The following ZNF33A variants were observed in gnomAD, a reference collection of about 807,000 sequenced individuals.
The protein encoded by ZNF33A is brain my041 protein.
In ZNF33A, 9 loss-of-function variants were observed where a neutral mutation model predicts 15.9. That is an observed-to-expected ratio of 0.57 (90% CI 0.34 to 0.99). The LOEUF (loss-of-function observed/expected upper bound fraction) is 0.99. Among genes scored for constraint, ZNF33A ranks in the 50% least tolerant of loss-of-function variants. The pLI is 0.02. For missense variants in ZNF33A, 843 were observed against 941.6 expected (o/e 0.90, Z 1.37); for synonymous variants, 294 against 324.2 (o/e 0.91, Z 1.00).
At chr10:38,015,065 C>T (rs762665098) in intron 2 of ZNF33A, among the ~76,000 whole-genome samples, 6 of 151,810 alleles carry the variant, frequency 4.0e-5, no homozygotes, top group South Asian at 2.1e-4. Flanking sequence ...AGTAGAGACA[C>T]GGTTTTGCCA....
intron 4 of ZNF33A, chr10:38,039,408 T>G (rs745717406): frequency 6.7e-6 from 3 of 448,752 alleles, no homozygotes; most frequent in South Asian, 4.7e-5. Flanking sequence ...GTTTTTTTTT[T>G]GTAGAGATGG....
chr10:38,062,383 C>T (rs1308443986), downstream of ZNF33A, among the ~76,000 whole-genome samples: 1 of 152,176 alleles, frequency 6.6e-6, no homozygotes, highest in Non-Finnish European at 1.5e-5. Context: ...TGGCATTTGG[C>T]CATGCTACAC....
chr10:38,040,888 G>A (rs2135691621), intron 4 of ZNF33A, among the ~76,000 whole-genome samples: 1 of 152,204 alleles, frequency 6.6e-6, no homozygotes, highest in South Asian at 2.1e-4. Flanking sequence ...GTATGTTTAG[G>A]ATTTACAGAG....
In ZNF33A at chr10:38,055,002, C is replaced by T; in HGVS notation, c.878C>T (p.Pro293Leu). 1 of 1,614,040 alleles carries T rather than the reference C, an allele frequency of 6.2e-7. No homozygotes were observed. Among genetic ancestry groups the T allele is most frequent in the Admixed American group, 1.7e-5 (1 of 60,014 alleles). ...TGTGTGAAGTCCACCCTTTCTAAAC[C>T]TCATGGGGTATCTATGAAACACTAT... Reference protein sequence around the residue: ...FLCVKSTLSKPHGVSMKHYDC... With the variant: ...FLCVKSTLSKLHGVSMKHYDC... Residue 293 changes from proline to leucine, a missense_variant, in exon 5 of 5, where the codon CCT becomes CTT. By Grantham distance (98) the Pro-to-Leu change is moderately conservative. Transcript: ENST00000432900.
At chr10:38,035,695 C>T (rs1001731688) in intron 4 of ZNF33A, among the ~76,000 whole-genome samples, 20 of 152,128 alleles carry the variant, frequency 1.3e-4, no homozygotes, top group Non-Finnish European at 2.5e-4. Context: ...CTGGCTCCTC[C>T]TGAACTCATG....
At chr10:38,028,584 C>T (rs1165104787) in intron 4 of ZNF33A, among the ~76,000 whole-genome samples, 1 of 151,964 alleles carries the variant, frequency 6.6e-6, no homozygotes, top group Non-Finnish European at 1.5e-5. Context: ...TCTCATGCCT[C>T]AGCCTCCCAA....
chr10:38,024,866 T>C (rs2064913250), intron 4 of ZNF33A, among the ~76,000 whole-genome samples: 1 of 152,244 alleles, frequency 6.6e-6, no homozygotes, highest in South Asian at 2.1e-4. Context: ...ACCCTATGTC[T>C]AGCATACCCA....
At chr10:38,064,053 C>T, downstream of ZNF33A, 1 of 1,592,008 alleles carries the variant, frequency 6.3e-7, no homozygotes, top group South Asian at 1.1e-5. Flanking sequence ...CAGACATTTT[C>T]AAATATTGTT....
chr10:38,062,786 G>A (rs1228258508), downstream of ZNF33A, among the ~76,000 whole-genome samples: 3 of 151,910 alleles, frequency 2.0e-5, no homozygotes, highest in East Asian at 1.9e-4. Flanking sequence ...GGCGGATCAC[G>A]AGGTCAGGAG....
At chr10:38,017,102 A>G in intron 3 of ZNF33A, 87 bp downstream of exon 3, 1 of 1,526,932 alleles carries the variant, frequency 6.5e-7, no homozygotes, top group Non-Finnish European at 8.8e-7. Context: ...TAGTTTAATG[A>G]TATTTAAGGT....
chr10:38,039,660 A>G (rs2065609042), intron 4 of ZNF33A: 1 of 440,932 alleles, frequency 2.3e-6, no homozygotes, highest in Non-Finnish European at 4.5e-6. Flanking sequence ...GAAGTTAAAT[A>G]ATTTGTTGGC....
At chr10:38,054,338 G>A (rs1350872660) in intron 4 of ZNF33A, 37 bp from the exon 5 acceptor site, 10 of 1,490,740 alleles carry the variant, frequency 6.7e-6, no homozygotes, top group South Asian at 1.5e-5. Context: ...AAATGTTTTG[G>A]TATTTATGTG....
rs768139739 is a variant in ZNF33A at position 38,055,009 on chromosome 10, G to A, written c.885G>A (p.Gly295=). 45 of 1,613,876 alleles carry A rather than the reference G, an allele frequency of 2.8e-5. No homozygotes were observed. Among genetic ancestry groups the A allele is most frequent in the Admixed American group, 5.0e-5 (3 of 59,998 alleles). ...CVKSTLSKPH[G]VSMKHYDCGE... ...AGTCCACCCTTTCTAAACCTCATGG[G>A]GTATCTATGAAACACTATGATTGTG... is the stretch of plus-strand genomic sequence containing the variant. Residue 295 remains glycine, a synonymous_variant, in exon 5 of 5, where the codon GGG becomes GGA. Transcript: ENST00000432900.
At chr10:38,049,242 A>G (rs1267446970) in intron 4 of ZNF33A, among the ~76,000 whole-genome samples, 1 of 152,166 alleles carries the variant, frequency 6.6e-6, no homozygotes, top group Non-Finnish European at 1.5e-5. Context: ...TAATGAAAAC[A>G]GAATTTATGG....
chr10:38,065,676 TG>T (rs1564893500), downstream of ZNF33A, among the ~76,000 whole-genome samples: 4 of 151,562 alleles, frequency 2.6e-5, no homozygotes, highest in African/African-American at 9.7e-5. Flanking sequence ...TGGTTGCCAG[TG>T]CACCAGCCAA....
At chr10:38,032,759 T>G (rs1297000748) in intron 4 of ZNF33A, among the ~76,000 whole-genome samples, 1 of 151,646 alleles carries the variant, frequency 6.6e-6, no homozygotes, top group Non-Finnish European at 1.5e-5. Flanking sequence ...CCGACAGTTG[T>G]TTTTTTGAGA....
intron 4 of ZNF33A, among the ~76,000 whole-genome samples, chr10:38,033,315 T>C (rs1031149678): frequency 2.6e-5 from 4 of 152,214 alleles, no homozygotes; most frequent in African/African-American, 9.6e-5. Flanking sequence ...CCATATAACA[T>C]GGTGTATAGA....
At chr10:38,016,095 T>G (rs575533582) in intron 2 of ZNF33A, 1 of 990,318 alleles carries the variant, frequency 1.0e-6, no homozygotes, top group East Asian at 3.3e-5. Flanking sequence ...CACATCCTTA[T>G]TATTGTCTCT....
intron 4 of ZNF33A, among the ~76,000 whole-genome samples, chr10:38,021,049 G>A (rs2064715766): frequency 6.6e-6 from 1 of 152,098 alleles, no homozygotes; most frequent in Admixed American, 6.6e-5. Flanking sequence ...GGTATGATCG[G>A]TGGTGTTCTC....
Sources: allele counts gnomAD v4.1 joint callset (sites outside exome capture counted in the v4.1 genomes callset), GRCh38; gene constraint gnomAD v4.1.1; transcripts MANE v1.5; gene names NCBI Gene and HGNC (gene_info 2026-07-23, HGNC 2026-07-21).